TMEM132B: variants seen among roughly 807,000 people sequenced by gnomAD.
TMEM132B encodes the protein transmembrane protein 132B.
In TMEM132B, 18 loss-of-function variants were observed where a neutral mutation model predicts 90.8. The observed-to-expected ratio is 0.20, with a 90% CI of 0.14 to 0.29. The LOEUF is 0.29. TMEM132B is among the 10% of genes least tolerant of loss of function. The pLI is 1.00. For missense variants in TMEM132B, 1,096 were observed against 1,326.8 expected (o/e 0.83, Z 2.70); for synonymous variants, 504 against 523.3 (o/e 0.96, Z 0.50).
intron 4 of TMEM132B, among the ~76,000 whole-genome samples, chr12:125,564,901 G>A (rs1419062238): frequency 2.6e-5 from 4 of 152,144 alleles, no homozygotes; most frequent in African/African-American, 7.2e-5. Context: ...TTGAGGAAGC[G>A]GTTGATTCTG....
At chr12:125,347,730 A>G (rs536391579) in intron 1 of TMEM132B, among the ~76,000 whole-genome samples, 2 of 152,262 alleles carry the variant, frequency 1.3e-5, no homozygotes, top group African/African-American at 4.8e-5. Context: ...GGGCAAAAGA[A>G]AAAAAAGTCT....
At chr12:125,603,995 G>A (rs1227259734) in intron 5 of TMEM132B, among the ~76,000 whole-genome samples, 1 of 152,190 alleles carries the variant, frequency 6.6e-6, no homozygotes, top group Non-Finnish European at 1.5e-5. Flanking sequence ...TACACTGTTG[G>A]TGGGAATGTA....
chr12:125,309,011 A>G (rs1876062311), intron 1 of TMEM132B, among the ~76,000 whole-genome samples: 1 of 152,152 alleles, frequency 6.6e-6, no homozygotes, highest in Admixed American at 6.5e-5. Context: ...AGACCTAACC[A>G]TGTTAGCACA....
chr12:125,282,146 C>T (rs1042500339), intron 1 of TMEM132B, among the ~76,000 whole-genome samples: 1 of 149,894 alleles, frequency 6.7e-6, no homozygotes, highest in Non-Finnish European at 1.5e-5. Context: ...GTGTGCATCA[C>T]ATTTGCCATC....
chr12:125,605,547 T>C (rs1406579100), intron 5 of TMEM132B, among the ~76,000 whole-genome samples: 3 of 152,204 alleles, frequency 2.0e-5, no homozygotes, highest in Admixed American at 6.5e-5. Flanking sequence ...GTTCTAGCAC[T>C]GTCAGCATGT....
At chr12:125,527,803 G>A (rs1186826822) in intron 4 of TMEM132B, among the ~76,000 whole-genome samples, 1 of 152,090 alleles carries the variant, frequency 6.6e-6, no homozygotes, top group Non-Finnish European at 1.5e-5. Flanking sequence ...ATCCAACCCA[G>A]CCACCCAAAC....
intron 4 of TMEM132B, among the ~76,000 whole-genome samples, chr12:125,560,374 G>GA (rs1884489644): frequency 6.6e-6 from 1 of 152,196 alleles, no homozygotes; most frequent in Non-Finnish European, 1.5e-5. Flanking sequence ...ATATCTTCCT[G>GA]AAATAATAAG....
chr12:125,519,165 G>A (rs564218320), intron 3 of TMEM132B, among the ~76,000 whole-genome samples: 9 of 152,310 alleles, frequency 5.9e-5, no homozygotes, highest in African/African-American at 1.4e-4. Flanking sequence ...CGTGGCATGC[G>A]AAGAGGTGAA....
chr12:125,266,582 C>T (rs1386216845), intron 1 of TMEM132B, among the ~76,000 whole-genome samples: 2 of 152,218 alleles, frequency 1.3e-5, no homozygotes, highest in Non-Finnish European at 2.9e-5. Flanking sequence ...TAATTGCTCA[C>T]AGCATTTTCT....
intron 1 of TMEM132B, among the ~76,000 whole-genome samples, chr12:125,333,172 A>G (rs563178258): frequency 7.7e-4 from 116 of 150,160 alleles, no homozygotes; most frequent in African/African-American, 2.8e-3. Flanking sequence ...CATCCCCCCA[A>G]CTCTTCCCGT....
chr12:125,351,014 G>A (rs1240448072), intron 2 of TMEM132B, among the ~76,000 whole-genome samples: 1 of 152,130 alleles, frequency 6.6e-6, no homozygotes, highest in African/African-American at 2.4e-5. Context: ...TTTTTAGTGC[G>A]GGGGTTTGGA....
chr12:125,632,738 GT>G (rs1162749223), intron 5 of TMEM132B, among the ~76,000 whole-genome samples: 1 of 151,962 alleles, frequency 6.6e-6, no homozygotes, highest in East Asian at 1.9e-4. Context: ...GGCCTTTAAG[GT>G]TTTTACTGAA....
At chr12:125,243,860 C>T (rs1180719545) in intron 1 of TMEM132B, among the ~76,000 whole-genome samples, 1 of 152,128 alleles carries the variant, frequency 6.6e-6, no homozygotes, top group Non-Finnish European at 1.5e-5. Flanking sequence ...CAAATGTAGC[C>T]ACAGCATTTG....
intron 5 of TMEM132B, among the ~76,000 whole-genome samples, chr12:125,589,374 C>T (rs112621092): frequency 1.3e-4 from 19 of 149,694 alleles, no homozygotes; most frequent in East Asian, 4.0e-4. Flanking sequence ...CCCAGCTACT[C>T]GGGAGGCTGA....
intron 3 of TMEM132B, among the ~76,000 whole-genome samples, chr12:125,420,662 C>T (rs1218822129): frequency 6.6e-6 from 1 of 152,224 alleles, no homozygotes; most frequent in Non-Finnish European, 1.5e-5. Context: ...CTCCTCATTA[C>T]ATATGCAAGT....
At chr12:125,273,011 C>G (rs548289612) in intron 1 of TMEM132B, among the ~76,000 whole-genome samples, 3 of 152,268 alleles carry the variant, frequency 2.0e-5, no homozygotes, top group African/African-American at 7.2e-5. Context: ...TTATATTTGT[C>G]TCTATATATG....
In TMEM132B at chr12:125,654,803, A is replaced by C; in HGVS notation, c.*93A>C. On this transcript the variant is annotated 3_prime_UTR_variant, in exon 9 of 9. Coordinates refer to ENST00000682704, the MANE Select transcript of TMEM132B (RefSeq NM_001366854.1). This position sits in a 1 kb window ranked among gnomAD's most constrained non-coding sequence, Gnocchi z 5.8. ...ATCAGCAATAGGGGATGATTTAACA[A>C]AGTTTGATTTGTGGAGGTCTGGTGG... is the stretch of plus-strand genomic sequence containing the variant. The C allele has an allele frequency of 7.0e-7, 1 of 1,419,644 alleles. No individual in the cohort carries two copies. The highest frequency in any genetic ancestry group is 9.6e-7 in the Non-Finnish European group (1 of 1,046,442). 87.9% of individuals were successfully genotyped at this position (1,419,644 alleles called of 1,614,324 possible).
intron 1 of TMEM132B, among the ~76,000 whole-genome samples, chr12:125,329,427 T>C (rs1464036399): frequency 6.6e-6 from 1 of 152,208 alleles, no homozygotes. Flanking sequence ...TCTTGCTAAG[T>C]AGGGCTGAGT....
At chr12:125,395,419 A>T (rs1219125880) in intron 2 of TMEM132B, among the ~76,000 whole-genome samples, 1 of 152,214 alleles carries the variant, frequency 6.6e-6, no homozygotes, top group East Asian at 1.9e-4. Context: ...TTTAAAATTA[A>T]TATTTATTAC....
Sources: gnomAD v4.1 joint callset for allele counts (sites outside exome capture counted in the v4.1 genomes callset) on GRCh38, gnomAD v4.1.1 for gene constraint, Gnocchi (gnomAD v3.1) non-coding constraint, MANE v1.5 for transcripts, NCBI Gene and HGNC (gene_info 2026-07-23, HGNC 2026-07-21) for gene names.